The following DOCK6 variants were observed in gnomAD, a reference collection of about 807,000 sequenced individuals.
The protein encoded by DOCK6 is dedicator of cytokinesis 6.
DOCK6 carries 167 observed loss-of-function variants against 230.3 expected under a neutral mutation model. That is an observed-to-expected ratio of 0.73 (90% confidence interval 0.64 to 0.82). DOCK6 has a LOEUF of 0.82. Among genes scored for constraint, DOCK6 ranks in the 40% least tolerant of loss-of-function variants. DOCK6 has a pLI of 0.00. For synonymous variants in DOCK6, 1,148 were observed against 1,185.0 expected (o/e 0.97, Z 0.64); for missense variants, 2,598 against 2,825.8 (o/e 0.92, Z 1.83).
chr19:11,238,196 C>T lies in DOCK6; in HGVS notation c.1752G>A (p.Gln584=). ...GGGCACAGCCACTGACCGGCAGAGC[C>T]TGGCTGGGGTCCTCGCCTGTCATGT... ...VQYMTGEDPS[Q]ALPVIFGKSS... is the part of the protein sequence containing the mutation. The change falls in exon 15 of 48, where the codon CAG becomes CAA. Residue 584 remains glutamine, a synonymous_variant. Coordinates refer to ENST00000294618, the MANE Select transcript of DOCK6 (RefSeq NM_020812.4). The T allele has an allele frequency of 6.2e-7, 1 of 1,613,634 alleles. No homozygotes were observed. The highest frequency in any genetic ancestry group is 8.5e-7 in the Non-Finnish European group (1 of 1,179,646).
In DOCK6 at chr19:11,209,031, C is replaced by T. The variant is rs545161002; in HGVS notation, c.4824G>A (p.Ala1608=). ...TWLQNMAGKH[A]ELGNHAEAAQ... The stretch of plus-strand genomic sequence containing the variant: ...CGGCCTCGGCGTGGTTGCCCAGCTC[C>T]GCGTGCTTCCCGGCCATGTTCTGCA... Residue 1608 remains alanine, a synonymous_variant, in exon 38 of 48, where the codon GCG becomes GCA. Transcript: ENST00000294618. 4.1e-5 allele frequency: 66 copies of T among 1,611,920 alleles called. No individual in the cohort carries two copies. Among genetic ancestry groups the T allele is most frequent in the African/African-American group, 5.3e-5 (4 of 74,958 alleles).
rs368947362 is a variant in DOCK6 at position 11,252,133 on chromosome 19, C to T, written c.493G>A (p.Gly165Ser). ...EQDASGDERS[G>S]PEDSNDSRRG... Reference sequence around the variant, plus strand: ...GGCTTCCTCACCGAGTCCTCAGGGCCGGACCTCTCGTCTCCAGAAGCATCC... The same window carrying T: ...GGCTTCCTCACCGAGTCCTCAGGGCTGGACCTCTCGTCTCCAGAAGCATCC... Residue 165 changes from glycine (G) to serine (S), a missense_variant, in exon 5 of 48, where the codon GGC (glycine) becomes AGC (serine). Physicochemically the swap from Gly to Ser is moderately conservative, Grantham distance 56. Coordinates refer to ENST00000294618, the MANE Select transcript of DOCK6 (RefSeq NM_020812.4). 8.1e-5 allele frequency: 129 copies of T among 1,588,940 alleles called. 1 individual carries two copies. The highest frequency in any genetic ancestry group is 1.2e-4 in the South Asian group (10 of 86,910).
chr19:11,262,379 G>A lies in DOCK6; in HGVS notation c.44+18C>T. Reference sequence around the variant, plus strand: ...GGCCACGTGGGGGAGGTGGGAGGGGGCCCCGCGGCCACACTACCTGTTGAT... The same window carrying A: ...GGCCACGTGGGGGAGGTGGGAGGGGACCCCGCGGCCACACTACCTGTTGAT... On this transcript the variant is annotated intron_variant, in intron 1 of 47. Coordinates refer to ENST00000294618, the MANE Select transcript of DOCK6 (RefSeq NM_020812.4). The A allele has an allele frequency of 1.6e-6, 2 of 1,272,776 alleles. No individual in the cohort carries two copies. The highest frequency in any genetic ancestry group is 9.9e-7 in the Non-Finnish European group (1 of 1,007,916). 78.8% of individuals were successfully genotyped at this position (1,272,776 alleles called of 1,614,324 possible). A position where few individuals can be genotyped will look rare whatever the true frequency, so the allele number is the denominator to read the frequency against.
Position 11,200,993 on chromosome 19 carries a change from C to G in DOCK6, c.5748G>C (p.Leu1916=). 6.2e-7 allele frequency: 1 copy of G among 1,613,910 alleles called. No homozygotes were observed. The highest frequency in any genetic ancestry group is 1.7e-5 in the Admixed American group (1 of 60,010). ...IEDMQKKTRE[L]AFATEQDPPD... ...GTGGGTCCTGCTCGGTGGCAAAGGC[C>G]AGCTCCCGTGTCTTCTTCTGCATGT... The change falls in exon 45 of 48, where the codon CTG becomes CTC. Residue 1916 remains leucine, a synonymous_variant. Coordinates refer to ENST00000294618, the MANE Select transcript of DOCK6 (RefSeq NM_020812.4). The surrounding 1 kb of genome is among the most constrained non-coding windows in gnomAD (Gnocchi z 4.3).
chr19:11,232,560 G>A (rs1054498535), intron 22 of DOCK6, among the ~76,000 whole-genome samples: 2 of 147,020 alleles, frequency 1.4e-5, no homozygotes, highest in African/African-American at 5.2e-5. Context: ...TATGCATCAG[G>A]TGAATGTGTA....
intron 1 of DOCK6, among the ~76,000 whole-genome samples, chr19:11,259,560 T>C (rs1392042087): frequency 5.4e-5 from 7 of 130,782 alleles, no homozygotes; most frequent in East Asian, 2.2e-4. Context: ...TCTTTTCTTT[T>C]TTTTTTTTTT....
At position 11,222,167 on chromosome 19, in the gene DOCK6, A is replaced by G. The variant is rs1223969814; in HGVS notation, c.3322T>C (p.Phe1108Leu). The change falls in exon 27 of 48, where the codon TTC (phenylalanine) becomes CTC (leucine). Residue 1108 changes from phenylalanine (F) to leucine (L), a missense_variant. Physicochemically the swap from Phe to Leu is conservative, Grantham distance 22 (BLOSUM62 0). Coordinates refer to ENST00000294618, the MANE Select transcript of DOCK6 (RefSeq NM_020812.4). This position sits in a 1 kb window ranked among gnomAD's most constrained non-coding sequence, Gnocchi z 4.0. ...TCCGTCAGCAGGAGCCCAGCTAGGA[A>G]GTGCTGCTGCCGGAATGGTCCACTC... The part of the protein sequence containing the change: ...ELSGPFRQQH[F>L]LAGLLLTELA... The G allele has an allele frequency of 2.0e-5, 32 of 1,611,346 alleles. No individual in the cohort carries two copies. The highest frequency in any genetic ancestry group is 2.7e-5 in the Non-Finnish European group (32 of 1,178,938).
intron 39 of DOCK6, among the ~76,000 whole-genome samples, chr19:11,205,192 T>G (rs1025589100): frequency 2.6e-5 from 4 of 152,210 alleles, no homozygotes; most frequent in Admixed American, 6.5e-5. Context: ...CTGAGGCTTT[T>G]GTGTGTGTAT....
chr19:11,256,211 G>C (rs891004631), intron 1 of DOCK6, among the ~76,000 whole-genome samples: 1 of 152,086 alleles, frequency 6.6e-6, no homozygotes, highest in Admixed American at 6.6e-5. Context: ...TCCTAAAGTC[G>C]GGCTGCTGCC....
intron 22 of DOCK6, chr19:11,229,384 C>G: frequency 9.2e-7 from 1 of 1,088,094 alleles, no homozygotes; most frequent in South Asian, 3.4e-5. Flanking sequence ...GAGTTGCAGT[C>G]GATGGCCTAT....
rs536539270 is a variant in DOCK6 at position 11,257,780 on chromosome 19, C to T, written c.45-4054G>A. ...CTCCAGCCTAGGCAACAGAAAGAAA[C>T]GCTGTCTCAAGAAAAAAAAAAAATC... On this transcript the variant is annotated intron_variant, in intron 1 of 47. Coordinates refer to ENST00000294618, the MANE Select transcript of DOCK6 (RefSeq NM_020812.4). 9.9e-5 allele frequency among the ~76,000 whole-genome samples: 15 copies of T among 151,352 alleles called. No homozygotes were observed. The East Asian group carries it at 2.0e-3, about 20-fold the overall frequency.
chr19:11,222,461 G>T lies in DOCK6; in HGVS notation c.3241-213C>A. The T allele has an allele frequency of 1.3e-6, 1 of 751,282 alleles. No individual in the cohort carries two copies. The highest frequency in any genetic ancestry group is 2.1e-6 in the Non-Finnish European group (1 of 476,344). The allele number at this position is 751,282 out of a possible 1,614,324, so 46.5% of individuals were successfully genotyped here. On this transcript the variant is annotated intron_variant, in intron 26 of 47. Coordinates refer to ENST00000294618, the MANE Select transcript of DOCK6 (RefSeq NM_020812.4). This position sits in a 1 kb window ranked among gnomAD's most constrained non-coding sequence, Gnocchi z 4.0. ...ACCCATCTGTGATGTAACAGGGCAC[G>T]GAGTCAAAAGTCAGAGGACTGAGAA... is the stretch of plus-strand genomic sequence containing the variant.
Position 11,215,805 on chromosome 19 carries a change from A to C in DOCK6, c.4017T>G (p.Ser1339Arg). 1 of 1,613,942 alleles carries C rather than the reference A, an allele frequency of 6.2e-7. No homozygotes were observed. Among genetic ancestry groups the C allele is most frequent in the Non-Finnish European group, 8.5e-7 (1 of 1,179,884 alleles). ...IGARQEMVRR[S>R]RERSPFGNPE... is the part of the protein sequence containing the mutation. ...GTGGGTATGTCACCCTCTTACCACG[A>C]CTTCGCCGAACCATTTCTTGTCGAG... The change falls in exon 31 of 48, where the codon AGT becomes AGG. Residue 1339 changes from serine to arginine, a missense_variant. Transcript: ENST00000294618.
At chr19:11,216,060 T>A in intron 30 of DOCK6, 133 bp from the exon 31 acceptor site, 2 of 1,192,042 alleles carry the variant, frequency 1.7e-6, no homozygotes, top group Non-Finnish European at 2.3e-6. Context: ...GCCTTTTTCC[T>A]CTAAATTCTT....
intron 14 of DOCK6, chr19:11,239,699 C>A (rs368909299): frequency 5.6e-6 from 9 of 1,613,514 alleles, no homozygotes; most frequent in African/African-American, 2.7e-5. Context: ...CCTGCCTCAG[C>A]GGCCCCCATG....
intron 35 of DOCK6, among the ~76,000 whole-genome samples, chr19:11,212,862 G>A (rs960200964): frequency 7.4e-6 from 1 of 136,020 alleles, no homozygotes; most frequent in African/African-American, 2.8e-5. Flanking sequence ...ACTGTGCCTG[G>A]CCCTTTTTTT....
At chr19:11,213,054 C>T (rs1047135813) in intron 35 of DOCK6, 122 bp downstream of exon 35, 10 of 1,320,906 alleles carry the variant, frequency 7.6e-6, no homozygotes, top group Admixed American at 4.9e-5. Flanking sequence ...CATTCTGAGC[C>T]CTCCTCCTGC....
Position 11,228,844 on chromosome 19 carries a change from G to A in DOCK6, c.2814+96C>T, listed in dbSNP as rs186043825. The A allele has an allele frequency of 1.9e-3, 2,314 of 1,205,402 alleles. 32 individuals carry two copies. In the African/African-American group the frequency reaches 0.03, roughly 16 times the overall value. 74.7% of individuals were successfully genotyped at this position (1,205,402 alleles called of 1,614,324 possible). On this transcript the variant is annotated intron_variant, in intron 23 of 47. Coordinates refer to ENST00000294618, the MANE Select transcript of DOCK6 (RefSeq NM_020812.4). The stretch of plus-strand genomic sequence containing the variant: ...CCCAAAGTGTTGGGATTACAGGTGT[G>A]AGCCACTATGCCTGGCCAGGGGGCT...
rs199717792 is a variant in DOCK6, at chr19:11,243,136, C to G, written c.1403G>C (p.Ser468Thr). Residue 468 changes from serine to threonine, a missense_variant, in exon 13 of 48, where the codon AGT (serine) becomes ACT (threonine). Coordinates refer to ENST00000294618, the MANE Select transcript of DOCK6 (RefSeq NM_020812.4). The surrounding 1 kb of genome is among the most constrained non-coding windows in gnomAD (Gnocchi z 6.3). ...CAGGAACTTGAAGAGGTCCTCGTCACTGAGTCGCTCAGCCTCCTACATGGG... is the reference window on the plus strand; with the variant it reads ...CAGGAACTTGAAGAGGTCCTCGTCAGTGAGTCGCTCAGCCTCCTACATGGG... ...NFFKQEAERL[S>T]DEDLFKFLAD... 49 of 1,613,958 alleles carry G rather than the reference C, an allele frequency of 3.0e-5. No individual in the cohort carries two copies. Among genetic ancestry groups the G allele is most frequent in the Non-Finnish European group, 2.5e-5 (30 of 1,179,846 alleles).
Sources: allele counts gnomAD v4.1 joint callset (sites outside exome capture counted in the v4.1 genomes callset), GRCh38; gene constraint gnomAD v4.1.1; non-coding constraint Gnocchi (gnomAD v3.1); transcripts MANE v1.5; gene names NCBI Gene and HGNC (gene_info 2026-07-23, HGNC 2026-07-21).